The following MYO18B variants were observed in gnomAD, a reference collection of about 807,000 sequenced individuals.
MYO18B encodes the protein myosin XVIIIB, also known as unconventional myosin-XVIIIb.
In MYO18B, 204 loss-of-function variants were observed where a neutral mutation model predicts 273.0. The observed-to-expected ratio is 0.75, with a 90% confidence interval of 0.67 to 0.84. MYO18B has a LOEUF of 0.84. Among genes scored for constraint, MYO18B ranks in the 40% least tolerant of loss-of-function variants. The probability of loss-of-function intolerance (pLI) is 0.00; values close to 1 mark genes in which losing one functional copy is unlikely to be tolerated. For synonymous variants in MYO18B, 1,330 were observed against 1,305.7 expected, an observed-to-expected ratio of 1.02 and a Z score of -0.40; for missense variants, 3,212 against 3,287.6, an observed-to-expected ratio of 0.98 and a Z score of 0.56.
intron 11 of MYO18B, among the ~76,000 whole-genome samples, chr22:25,792,060 C>T (rs770657073): frequency 1.1e-4 from 17 of 152,200 alleles, no homozygotes; most frequent in African/African-American, 2.7e-4. Context: ...GTCTGGTCCA[C>T]GTTCACTCTT....
At chr22:25,811,072 G>A (rs1169161468) in intron 12 of MYO18B, among the ~76,000 whole-genome samples, 5 of 151,402 alleles carry the variant, frequency 3.3e-5, no homozygotes, top group African/African-American at 1.2e-4. Context: ...GGAGTGCAGT[G>A]GTGTGATCTC....
In MYO18B at chr22:25,770,181, G is replaced by A. The variant is rs754639183; in HGVS notation, c.1579+5G>A. 1 of 1,613,928 alleles carries A rather than the reference G, an allele frequency of 6.2e-7. No individual in the cohort carries two copies. Among genetic ancestry groups the A allele is most frequent in the Non-Finnish European group, 8.5e-7 (1 of 1,179,820 alleles). On this transcript the variant is annotated splice_donor_5th_base_variant and intron_variant, in intron 5 of 43. Coordinates refer to ENST00000335473, the MANE Select transcript of MYO18B (RefSeq NM_032608.7). ...AGAAGGATGGATTTACTCTTGGTAA[G>A]TAGGGGTGTTAGCACCTTTGGAGGG...
At chr22:26,060,707 C>A in the MYO18B span, among the ~76,000 whole-genome samples, 1 of 152,120 alleles carries the variant, frequency 6.6e-6, no homozygotes, top group Non-Finnish European at 1.5e-5. Context: ...TACATACACA[C>A]ATGCACACAT....
chr22:25,946,178 G>T lies in MYO18B; in HGVS notation c.5559G>T (p.Thr1853=), dbSNP rs73879602. The T allele has an allele frequency of 3.8e-6, 6 of 1,579,084 alleles. No homozygotes were observed. The highest frequency in any genetic ancestry group is 5.1e-6 in the Non-Finnish European group (6 of 1,165,690). Residue 1853 remains threonine (T), a synonymous_variant, in exon 35 of 44, where the codon ACG becomes ACT. Coordinates refer to ENST00000335473, the MANE Select transcript of MYO18B (RefSeq NM_032608.7). The part of the protein sequence containing the change: ...SEAKCEEALK[T]QKVLTADLES... Reference sequence around the variant, plus strand: ...CCAAGTGTGAGGAGGCCTTGAAGACGCAGAAGGTGCTCACAGCGGACCTGG... The same window carrying T: ...CCAAGTGTGAGGAGGCCTTGAAGACTCAGAAGGTGCTCACAGCGGACCTGG...
At chr22:25,776,010 G>A (rs917833109) in intron 7 of MYO18B, among the ~76,000 whole-genome samples, 49 of 151,974 alleles carry the variant, frequency 3.2e-4, no homozygotes, top group South Asian at 2.1e-4. Context: ...GACAGTTCCC[G>A]TCACCCCCAA....
intron 34 of MYO18B, among the ~76,000 whole-genome samples, chr22:25,923,435 C>T (rs904062545): frequency 2.0e-5 from 3 of 152,228 alleles, no homozygotes; most frequent in African/African-American, 4.8e-5. Context: ...GCTTAATCCT[C>T]ATGATACCCC....
intron 1 of MYO18B, among the ~76,000 whole-genome samples, chr22:25,751,630 G>A (rs2085932921): frequency 6.6e-6 from 1 of 152,190 alleles, no homozygotes; most frequent in Non-Finnish European, 1.5e-5. Context: ...CAAGTGTCTC[G>A]ACCTCTCTGA....
chr22:25,759,104 T>A (rs1388621351), intron 1 of MYO18B, among the ~76,000 whole-genome samples: 3 of 152,164 alleles, frequency 2.0e-5, no homozygotes, highest in Non-Finnish European at 2.9e-5. Flanking sequence ...TGCACAGCTC[T>A]GTAAATTTAT....
At position 25,946,183 on chromosome 22, in the gene MYO18B, A is replaced by G; in HGVS notation, c.5564A>G (p.Lys1855Arg). The G allele has an allele frequency of 6.3e-7, 1 of 1,582,084 alleles. No individual in the cohort carries two copies. Among genetic ancestry groups the G allele is most frequent in the Non-Finnish European group, 8.6e-7 (1 of 1,166,790 alleles). The change falls in exon 35 of 44, where the codon AAG becomes AGG. Residue 1855 changes from lysine (K) to arginine (R), a missense_variant. Lys to Arg is a conservative substitution (Grantham distance 26). Coordinates refer to ENST00000335473, the MANE Select transcript of MYO18B (RefSeq NM_032608.7). ...TGTGAGGAGGCCTTGAAGACGCAGA[A>G]GGTGCTCACAGCGGACCTGGAGAGC... ...AKCEEALKTQ[K>R]VLTADLESMH...
At chr22:25,845,142 A>G (rs1054557363) in intron 18 of MYO18B, among the ~76,000 whole-genome samples, 5 of 152,242 alleles carry the variant, frequency 3.3e-5, no homozygotes, top group African/African-American at 1.2e-4. Context: ...AAAGTAGCAG[A>G]TGACCTATTA....
chr22:25,833,246 G>A (rs1460037377), intron 16 of MYO18B, among the ~76,000 whole-genome samples: 4 of 152,190 alleles, frequency 2.6e-5, no homozygotes, highest in African/African-American at 9.7e-5. Flanking sequence ...TTATGTCTGA[G>A]TCTATGTCTT....
At chr22:25,832,638 T>C (rs1288885787) in intron 15 of MYO18B, among the ~76,000 whole-genome samples, 1 of 152,174 alleles carries the variant, frequency 6.6e-6, no homozygotes, top group African/African-American at 2.4e-5. Context: ...GTCTCATGGG[T>C]ACAGAGATTC....
At chr22:26,060,848 C>T in the MYO18B span, among the ~76,000 whole-genome samples, 31,819 of 115,274 alleles carry the variant, frequency 0.28, 4,005 homozygotes, top group East Asian at 0.49. Flanking sequence ...ACAATATACA[C>T]ATATACATAT....
chr22:25,784,884 T>A lies in MYO18B; in HGVS notation c.2313-544T>A, dbSNP rs8139077. Among the ~76,000 whole-genome samples the A allele has an allele frequency of 4.8e-4, 73 of 152,094 alleles. No homozygotes were observed. In the East Asian group the frequency reaches 8.7e-3, roughly 18 times the overall value. ...AAGTGCAGACTGAGGCCGGGAGAGG[T>A]GCACGTGGCAGGATAGCGCGGAGTC... On this transcript the variant is annotated intron_variant, in intron 10 of 43. Coordinates refer to ENST00000335473, the MANE Select transcript of MYO18B (RefSeq NM_032608.7).
chr22:25,986,514 A>G (rs1056696964), intron 39 of MYO18B, among the ~76,000 whole-genome samples: 1 of 152,256 alleles, frequency 6.6e-6, no homozygotes, highest in African/African-American at 2.4e-5. Context: ...AATAAAGATT[A>G]AATGAGATAA....
intron 21 of MYO18B, among the ~76,000 whole-genome samples, chr22:25,862,476 C>T (rs2090765601): frequency 6.6e-6 from 1 of 152,122 alleles, no homozygotes; most frequent in Non-Finnish European, 1.5e-5. Flanking sequence ...TGAAGGACTT[C>T]CTTTAATGTA....
At chr22:25,863,304 G>T (rs1392819355) in intron 21 of MYO18B, among the ~76,000 whole-genome samples, 1 of 152,112 alleles carries the variant, frequency 6.6e-6, no homozygotes, top group Non-Finnish European at 1.5e-5. Flanking sequence ...GTGTTTGGCT[G>T]TTAAGTCCAA....
chr22:25,889,392 G>A (rs1601480929), intron 25 of MYO18B, among the ~76,000 whole-genome samples: 1 of 152,070 alleles, frequency 6.6e-6, no homozygotes, highest in African/African-American at 2.4e-5. Flanking sequence ...GAAAGAGTGA[G>A]GCATTCTAAC....
intron 42 of MYO18B, 95 bp downstream of exon 42, chr22:26,004,950 T>C (rs1041420471): frequency 1.3e-5 from 19 of 1,506,156 alleles, no homozygotes; most frequent in South Asian, 3.8e-5. Flanking sequence ...GTCTCTGGCA[T>C]AGGCAAAAAC....
Sources: allele counts gnomAD v4.1 joint callset (sites outside exome capture counted in the v4.1 genomes callset), GRCh38; gene constraint gnomAD v4.1.1; transcripts MANE v1.5; gene names NCBI Gene and HGNC (gene_info 2026-07-23, HGNC 2026-07-21).